The following NEGR1 variants were observed in gnomAD, a reference collection of about 807,000 sequenced individuals.
The protein encoded by NEGR1 is neuronal growth regulator 1, also known as IgLON family member 4.
Under a neutral mutation model 40.9 loss-of-function variants are expected in NEGR1, and 10 were observed. The ratio of observed to expected loss-of-function variants is 0.24; its 90% CI spans 0.15 to 0.42. The LOEUF is 0.42. NEGR1 is among the 10% of genes least tolerant of loss of function. NEGR1 has a pLI of 1.00. For synonymous variants in NEGR1, 185 were observed against 166.8 expected (o/e 1.11, Z -0.84); for missense variants, 352 against 438.9 (o/e 0.80, Z 1.77).
chr1:71,651,055 C>T (rs531939469), intron 4 of NEGR1, among the ~76,000 whole-genome samples: 1 of 152,050 alleles, frequency 6.6e-6, no homozygotes, highest in Non-Finnish European at 1.5e-5. Context: ...GGCTGATGTA[C>T]ACCATTCTCT....
chr1:72,201,197 T>A (rs1653192038), intron 1 of NEGR1, among the ~76,000 whole-genome samples: 3 of 151,692 alleles, frequency 2.0e-5, no homozygotes. Context: ...TAAAAGTATC[T>A]TCCTTTGTTA....
chr1:71,522,726 C>G (rs1009012342), intron 6 of NEGR1, among the ~76,000 whole-genome samples: 1 of 93,458 alleles, frequency 1.1e-5, no homozygotes, highest in Non-Finnish European at 2.5e-5. Flanking sequence ...CTCTACCCCC[C>G]CCTTACACAC....
chr1:72,235,352 GA>G (rs1028179241), intron 1 of NEGR1, among the ~76,000 whole-genome samples: 3 of 151,938 alleles, frequency 2.0e-5, no homozygotes, highest in African/African-American at 7.2e-5. Flanking sequence ...GTAGAACTTT[GA>G]AACTTCACAG....
intron 6 of NEGR1, among the ~76,000 whole-genome samples, chr1:71,571,646 AGCCAGACAGGGTG>A (rs1446070545): frequency 6.6e-6 from 1 of 152,102 alleles, no homozygotes; most frequent in Non-Finnish European, 1.5e-5. Flanking sequence ...AAAAAAATTT[AGCCAGACAGGGTG>A]GCATGCGCCT....
intron 1 of NEGR1, among the ~76,000 whole-genome samples, chr1:71,955,581 A>G (rs1372432186): frequency 1.3e-5 from 2 of 152,184 alleles, no homozygotes; most frequent in African/African-American, 4.8e-5. Context: ...TCTTGTTTGC[A>G]TCAGCCATTT....
chr1:71,584,685 A>G (rs1330024027), intron 6 of NEGR1, among the ~76,000 whole-genome samples: 1 of 152,142 alleles, frequency 6.6e-6, no homozygotes, highest in African/African-American at 2.4e-5. Flanking sequence ...CTTGATAAGT[A>G]TGCTCCAAGA....
At chr1:71,731,222 C>T (rs573560769) in intron 3 of NEGR1, among the ~76,000 whole-genome samples, 2 of 152,106 alleles carry the variant, frequency 1.3e-5, no homozygotes, top group African/African-American at 4.8e-5. Flanking sequence ...AGAGCTTCTC[C>T]TCTCATTTTT....
intron 4 of NEGR1, among the ~76,000 whole-genome samples, chr1:71,647,307 C>T (rs565597748): frequency 1.3e-5 from 2 of 151,802 alleles, no homozygotes; most frequent in South Asian, 2.1e-4. Flanking sequence ...TTTTTCCAGC[C>T]CAGGGGTCCT....
chr1:72,100,931 CT>C (rs111645425), intron 1 of NEGR1: 5,128 of 152,336 alleles, frequency 0.034, 282 homozygotes, highest in African/African-American at 0.12. Context: ...CTCACATGGC[CT>C]TTTCTTCATG....
intron 1 of NEGR1, among the ~76,000 whole-genome samples, chr1:72,151,341 G>C (rs992935007): frequency 2.0e-5 from 3 of 150,886 alleles, no homozygotes; most frequent in African/African-American, 7.3e-5. Context: ...ACTAATTTTA[G>C]GCATTATACT....
chr1:72,099,506 A>T (rs1162681487), intron 1 of NEGR1, among the ~76,000 whole-genome samples: 1 of 152,022 alleles, frequency 6.6e-6, no homozygotes, highest in African/African-American at 2.4e-5. Context: ...GGTAATATAA[A>T]AGCATTTTTA....
intron 4 of NEGR1, among the ~76,000 whole-genome samples, chr1:71,639,541 C>T (rs1371047435): frequency 6.6e-6 from 1 of 151,970 alleles, no homozygotes; most frequent in Admixed American, 6.6e-5. Context: ...TATGTGTATG[C>T]GCACCTCTGC....
At chr1:71,602,564 C>A (rs900248722) in intron 5 of NEGR1, among the ~76,000 whole-genome samples, 2 of 152,180 alleles carry the variant, frequency 1.3e-5, no homozygotes, top group South Asian at 4.1e-4. Flanking sequence ...CATGATTATT[C>A]TTAACCCCGT....
At chr1:71,422,451 T>G (rs542101378) in intron 6 of NEGR1, 6 of 152,320 alleles carry the variant, frequency 3.9e-5, no homozygotes, top group Admixed American at 3.9e-4. Context: ...ATCGTTTTTG[T>G]GTGAGTGTTT....
At chr1:71,568,896 CA>C (rs1010912296) in intron 6 of NEGR1, among the ~76,000 whole-genome samples, 6 of 147,602 alleles carry the variant, frequency 4.1e-5, no homozygotes, top group African/African-American at 1.5e-4. Context: ...GTCCTTGCCT[CA>C]GGGGCAATGA....
chr1:71,906,381 G>A (rs376845506), intron 2 of NEGR1, among the ~76,000 whole-genome samples: 3 of 150,196 alleles, frequency 2.0e-5, no homozygotes, highest in Admixed American at 6.7e-5. Flanking sequence ...CCCCTAAAAC[G>A]CTATTGAAAT....
At chr1:71,941,073 C>A (rs1403344692) in intron 1 of NEGR1, among the ~76,000 whole-genome samples, 1 of 152,164 alleles carries the variant, frequency 6.6e-6, no homozygotes, top group Non-Finnish European at 1.5e-5. Flanking sequence ...CAAAGCTAAA[C>A]TGAGTGAAAA....
At chr1:71,726,138 G>A (rs1351303244) in intron 3 of NEGR1, among the ~76,000 whole-genome samples, 1 of 152,134 alleles carries the variant, frequency 6.6e-6, no homozygotes, top group African/African-American at 2.4e-5. Context: ...TTCAAGTACA[G>A]CTGTTACTGT....
At chr1:71,595,521 T>C (rs987217052) in intron 5 of NEGR1, among the ~76,000 whole-genome samples, 1 of 152,150 alleles carries the variant, frequency 6.6e-6, no homozygotes, top group Non-Finnish European at 1.5e-5. Flanking sequence ...GAATGTACTT[T>C]TGTGATTTTC....
Sources: allele counts gnomAD v4.1 joint callset (sites outside exome capture counted in the v4.1 genomes callset), GRCh38; gene constraint gnomAD v4.1.1; transcripts MANE v1.5; gene names NCBI Gene and HGNC (gene_info 2026-07-23, HGNC 2026-07-21).